The following SMOX variants were observed in gnomAD, a reference collection of about 807,000 sequenced individuals.
SMOX encodes flavin containing amine oxidase.
Under a neutral mutation model 51.0 loss-of-function variants are expected in SMOX, and 22 were observed. The ratio of observed to expected loss-of-function variants is 0.43; its 90% CI spans 0.31 to 0.62. The LOEUF is 0.62. Ranked by LOEUF, SMOX falls within the 20% of genes least tolerant of loss-of-function variation. The pLI, the probability that SMOX is intolerant of heterozygous loss-of-function variation, is 0.10. For missense variants in SMOX, 566 were observed against 777.7 expected, an observed-to-expected ratio of 0.73 and a Z score of 3.24; for synonymous variants, 282 against 307.8, an observed-to-expected ratio of 0.92 and a Z score of 0.88.
intron 1 of SMOX, among the ~76,000 whole-genome samples, chr20:4,154,761 G>A (rs916831018): frequency 2.0e-5 from 3 of 151,942 alleles, no homozygotes; most frequent in Non-Finnish European, 4.4e-5. Context: ...CTTGAGGGAC[G>A]AGTGCAGTTC....
At chr20:4,151,609 C>T (rs144761365) in intron 1 of SMOX, among the ~76,000 whole-genome samples, 1 of 152,244 alleles carries the variant, frequency 6.6e-6, no homozygotes, top group East Asian at 1.9e-4. Flanking sequence ...ATCTTTTCTG[C>T]CAGGAGTGTT....
intron 1 of SMOX, among the ~76,000 whole-genome samples, chr20:4,155,804 C>T (rs1223918560): frequency 6.6e-6 from 1 of 151,874 alleles, no homozygotes; most frequent in Non-Finnish European, 1.5e-5. Context: ...AGCGGGGTAG[C>T]AGTCACTACA....
At chr20:4,151,321 C>T (rs1453024380) in intron 1 of SMOX, among the ~76,000 whole-genome samples, 1 of 152,188 alleles carries the variant, frequency 6.6e-6, no homozygotes, top group East Asian at 1.9e-4. Context: ...ACTTGCCCTT[C>T]TCTGATCTAT....
In SMOX at chr20:4,187,418, C is replaced by T. The variant is rs200697477; in HGVS notation, c.*11C>T. The T allele has an allele frequency of 1.3e-4, 210 of 1,612,026 alleles. No homozygotes were observed. The highest frequency in any genetic ancestry group is 2.7e-4 in the Admixed American group (16 of 59,842). On this transcript the variant is annotated 3_prime_UTR_variant, in exon 7 of 7. Transcript: ENST00000305958. This position sits in a 1 kb window ranked among gnomAD's most constrained non-coding sequence, Gnocchi z 4.8. ...CAGCAGGGGACCTGAGGGCTGTCCTCGCTGCTGAGAAGAGCCACTAACTCG... is the reference window on the plus strand; with the variant it reads ...CAGCAGGGGACCTGAGGGCTGTCCTTGCTGCTGAGAAGAGCCACTAACTCG...
In SMOX at chr20:4,183,174, A is replaced by ATT. The variant is rs1288183513; in HGVS notation, c.1370-316_1370-315dup. The ATT allele has an allele frequency of 3.5e-6, 2 of 564,584 alleles. No homozygotes were observed. The allele number at this position is 564,584 out of a possible 1,614,324, so 35.0% of individuals were successfully genotyped here. Reference sequence around the variant, plus strand: ...TACTCTCTGAGTCTTTCAGCTCAACATTTTTCACCCACTATTCCAGGAGGA... The same window carrying ATT: ...TACTCTCTGAGTCTTTCAGCTCAACATTTTTTTCACCCACTATTCCAGGAGGA... On this transcript the variant is annotated intron_variant, in intron 5 of 6. Coordinates refer to ENST00000305958, the MANE Select transcript of SMOX (RefSeq NM_175839.3). This position sits in a 1 kb window ranked among gnomAD's most constrained non-coding sequence, Gnocchi z 4.3.
chr20:4,150,359 C>T (rs182092409), intron 1 of SMOX, among the ~76,000 whole-genome samples: 54 of 152,312 alleles, frequency 3.5e-4, no homozygotes, highest in African/African-American at 1.2e-3. Flanking sequence ...GTGAGCTCCA[C>T]GCCCCCAAAA....
chr20:4,156,058 A>G (rs1444810050), intron 1 of SMOX, among the ~76,000 whole-genome samples: 2 of 152,152 alleles, frequency 1.3e-5, no homozygotes, highest in Non-Finnish European at 2.9e-5. Context: ...TGTTCTGCGC[A>G]ATCTCAAGCG....
At chr20:4,178,747 G>A (rs147959746) in intron 3 of SMOX, among the ~76,000 whole-genome samples, 2,254 of 150,036 alleles carry the variant, frequency 0.015, 24 homozygotes, top group Middle Eastern at 0.031. Flanking sequence ...ACGATGGCAC[G>A]ATCTCAGCTC....
rs376713573 is a variant in SMOX at position 4,182,554 on chromosome 20, C to T, written c.1075C>T (p.Arg359Cys). ...CACAGAGAAGGTGGCTGCCATCCAC[C>T]GCCTGGGCATTGGCACCACCGACAA... is the stretch of plus-strand genomic sequence containing the variant. Reference protein sequence around the residue: ...LPTEKVAAIHRLGIGTTDKIF... With the variant: ...LPTEKVAAIHCLGIGTTDKIF... The change falls in exon 5 of 7, where the codon CGC becomes TGC. Residue 359 changes from arginine (R) to cysteine (C), a missense_variant. Arg to Cys is a radical substitution (Grantham distance 180). Transcript: ENST00000305958. The surrounding 1 kb of genome is among the most constrained non-coding windows in gnomAD (Gnocchi z 8.4). 2.2e-5 allele frequency: 36 copies of T among 1,613,824 alleles called. No individual in the cohort carries two copies. Among genetic ancestry groups the T allele is most frequent in the South Asian group, 2.2e-4 (20 of 91,010 alleles).
chr20:4,160,903 C>T (rs533636881), intron 1 of SMOX, among the ~76,000 whole-genome samples: 95 of 152,262 alleles, frequency 6.2e-4, no homozygotes, highest in African/African-American at 2.2e-3. Flanking sequence ...CCCTGTGGCT[C>T]AGGAGGCAGG....
intron 1 of SMOX, among the ~76,000 whole-genome samples, chr20:4,152,709 G>A (rs1985822760): frequency 6.6e-6 from 1 of 152,188 alleles, no homozygotes; most frequent in African/African-American, 2.4e-5. Context: ...TTCACTGCAT[G>A]CCCTGCATTG....
At position 4,181,986 on chromosome 20, in the gene SMOX, G is replaced by A. The variant is rs1979360663; in HGVS notation, c.609+10G>A. On this transcript the variant is annotated intron_variant, in intron 4 of 6. Transcript: ENST00000305958. The surrounding 1 kb of genome is among the most constrained non-coding windows in gnomAD (Gnocchi z 5.6). ...CCAGCAGTACCTGAAGGTATCTTGA[G>A]GAAGACGGATTCTGGGGGCGTCTGG... is the stretch of plus-strand genomic sequence containing the variant. 6.2e-7 allele frequency: 1 copy of A among 1,613,222 alleles called. No homozygotes were observed. The highest frequency in any genetic ancestry group is 1.3e-5 in the African/African-American group (1 of 74,894).
rs1429979539 is a variant in SMOX, at chr20:4,167,981, T to C, written c.-26-7049T>C. Among the ~76,000 whole-genome samples the C allele has an allele frequency of 6.6e-6, 1 of 152,030 alleles. No individual in the cohort carries two copies. The highest frequency in any genetic ancestry group is 1.5e-5 in the Non-Finnish European group (1 of 68,006). ...GGGCGTTTTTACATTTGAAGAATAATTGCATTGTCTGGGGGGCCTCAAGAA... is the reference window on the plus strand; with the variant it reads ...GGGCGTTTTTACATTTGAAGAATAACTGCATTGTCTGGGGGGCCTCAAGAA... On this transcript the variant is annotated intron_variant, in intron 1 of 6. Transcript: ENST00000305958. The surrounding 1 kb of genome is among the most constrained non-coding windows in gnomAD (Gnocchi z 4.8).
Position 4,181,747 on chromosome 20 carries a change from T to A in SMOX, c.436-56T>A. ...TGGTGGGTTTGGGTTGGGGGCCTTC[T>A]GTTTGAGATGGAGGTGTGATGAGGT... On this transcript the variant is annotated intron_variant, in intron 3 of 6. Transcript: ENST00000305958. The surrounding 1 kb of genome is among the most constrained non-coding windows in gnomAD (Gnocchi z 5.6). 2 of 1,578,852 alleles carry A rather than the reference T, an allele frequency of 1.3e-6. No homozygotes were observed. Among genetic ancestry groups the A allele is most frequent in the Admixed American group, 3.5e-5 (2 of 57,744 alleles).
intron 1 of SMOX, among the ~76,000 whole-genome samples, chr20:4,155,280 T>G (rs1036027844): frequency 6.6e-6 from 1 of 152,184 alleles, no homozygotes; most frequent in African/African-American, 2.4e-5. Context: ...CCCCAGCGTG[T>G]GCAGTGCCTG....
intron 1 of SMOX, among the ~76,000 whole-genome samples, chr20:4,151,286 C>G (rs1018582514): frequency 1.3e-5 from 2 of 151,926 alleles, no homozygotes; most frequent in African/African-American, 4.8e-5. Context: ...CAAGCCAAGC[C>G]GCGTAACCCT....
In SMOX at chr20:4,187,211, T is replaced by A; in HGVS notation, c.1531-59T>A. On this transcript the variant is annotated intron_variant, in intron 6 of 6. Coordinates refer to ENST00000305958, the MANE Select transcript of SMOX (RefSeq NM_175839.3). This position sits in a 1 kb window ranked among gnomAD's most constrained non-coding sequence, Gnocchi z 4.8. The stretch of plus-strand genomic sequence containing the variant: ...GAGGTTCTGGTGGAGAGGGGTGGCC[T>A]TGTGGCCTTCTGGCCTTTGCTGCTC... 1 of 1,561,438 alleles carries A rather than the reference T, an allele frequency of 6.4e-7. No homozygotes were observed. Among genetic ancestry groups the A allele is most frequent in the Non-Finnish European group, 8.7e-7 (1 of 1,149,618 alleles).
Position 4,168,932 on chromosome 20 carries a change from TTTATTTTATTTTATTTTATG to T in SMOX, c.-26-6084_-26-6065del, listed in dbSNP as rs1249199293. On this transcript the variant is annotated intron_variant, in intron 1 of 6. Transcript: ENST00000305958. ...TTTATTTTATTTTATTTTATTTTAT[TTTATTTTATTTTATTTTATG>T]TTATTTTATTTTAGAGACAGGGTCT... 1.6e-4 allele frequency among the ~76,000 whole-genome samples: 21 copies of T among 129,644 alleles called. No homozygotes were observed. The East Asian group carries it at 4.5e-3, about 28-fold the overall frequency. The allele number at this position is 129,644 out of a possible 152,430, so 85.1% of individuals were successfully genotyped here.
At chr20:4,174,505 G>T (rs1450913634) in intron 1 of SMOX, among the ~76,000 whole-genome samples, 4 of 152,146 alleles carry the variant, frequency 2.6e-5, no homozygotes, top group African/African-American at 7.2e-5. Flanking sequence ...TCCGGGGTCT[G>T]TGTGAGCCTC....
Sources: gnomAD v4.1 joint callset for allele counts (sites outside exome capture counted in the v4.1 genomes callset) on GRCh38, gnomAD v4.1.1 for gene constraint, Gnocchi (gnomAD v3.1) non-coding constraint, MANE v1.5 for transcripts, NCBI Gene and HGNC (gene_info 2026-07-23, HGNC 2026-07-21) for gene names.